MGAT5: variants seen among roughly 807,000 people sequenced by gnomAD.
MGAT5 encodes alpha-1,6-mannosylglycoprotein 6-beta-N-acetylglucosaminyltransferase.
MGAT5 carries 30 observed loss-of-function variants against 94.3 expected under a neutral mutation model. The observed-to-expected ratio is 0.32, with a 90% CI of 0.24 to 0.43. The LOEUF is 0.43. Among genes scored for constraint, MGAT5 ranks in the 20% least tolerant of loss-of-function variants. The probability of loss-of-function intolerance (pLI) is 1.00; values close to 1 mark genes in which losing one functional copy is unlikely to be tolerated. For missense variants in MGAT5, 691 were observed against 905.5 expected, an observed-to-expected ratio of 0.76 and a Z score of 3.04; for synonymous variants, 310 against 322.9, an observed-to-expected ratio of 0.96 and a Z score of 0.43.
intron 10 of MGAT5, among the ~76,000 whole-genome samples, chr2:134,363,955 T>C (rs533025331): frequency 1.2e-4 from 18 of 152,226 alleles, no homozygotes; most frequent in Non-Finnish European, 2.1e-4. Context: ...GCATTGGTTT[T>C]AGGAGGACTG....
At chr2:134,409,930 G>A in intron 11 of MGAT5, among the ~76,000 whole-genome samples, 1 of 152,176 alleles carries the variant, frequency 6.6e-6, no homozygotes, top group East Asian at 1.9e-4. Context: ...ATCCCTCTGT[G>A]TAGAAATACT....
chr2:134,189,190 CCTCCTTTCCCCT>C (rs1239666895), intron 1 of MGAT5, among the ~76,000 whole-genome samples: 2 of 152,166 alleles, frequency 1.3e-5, no homozygotes, highest in Admixed American at 1.3e-4. Flanking sequence ...TTTCCAGTCC[CCTCCTTTCCCCT>C]CTCTGGATTG....
intron 11 of MGAT5, 71 bp from the exon 12 acceptor site, chr2:134,412,798 C>T: frequency 6.3e-7 from 1 of 1,575,372 alleles, no homozygotes; most frequent in African/African-American, 1.4e-5. Context: ...CGCCTGCAAG[C>T]TAGGAATGCC....
chr2:134,182,912 G>A (rs1417181756), intron 1 of MGAT5, among the ~76,000 whole-genome samples: 1 of 146,150 alleles, frequency 6.8e-6, no homozygotes, highest in African/African-American at 2.5e-5. Flanking sequence ...TCAGCCTCCC[G>A]AGTAGCTGTG....
chr2:134,392,651 T>A (rs1486998432), intron 10 of MGAT5, among the ~76,000 whole-genome samples: 1 of 152,362 alleles, frequency 6.6e-6, no homozygotes, highest in South Asian at 2.1e-4. Context: ...CACTCGGTAT[T>A]CTGAGGGGAG....
chr2:134,449,113 G>A lies in MGAT5; in HGVS notation c.*266G>A, dbSNP rs1243289366. The A allele has an allele frequency of 2.0e-6, 1 of 505,586 alleles. No individual in the cohort carries two copies. The highest frequency in any genetic ancestry group is 3.6e-6 in the Non-Finnish European group (1 of 279,598). The allele number at this position is 505,586 out of a possible 1,614,324, so 31.3% of individuals were successfully genotyped here. The stretch of plus-strand genomic sequence containing the variant: ...TCTGTTTCTCAAGGAGCAACTGTGG[G>A]AAGACTGTCACTGCAGCTGCTCCAG... On this transcript the variant is annotated 3_prime_UTR_variant, in exon 16 of 16. Transcript: ENST00000281923.
rs142458086 is a variant in MGAT5 at position 134,336,867 on chromosome 2, G to A, written c.645+579G>A. On this transcript the variant is annotated intron_variant, in intron 5 of 15. Transcript: ENST00000281923. Reference sequence around the variant, plus strand: ...AAGGTGAAATTGGGAAGGTAGGAAGGGGACTGTGAAAGTACTTGTTGCCAC... The same window carrying A: ...AAGGTGAAATTGGGAAGGTAGGAAGAGGACTGTGAAAGTACTTGTTGCCAC... Among the ~76,000 whole-genome samples the A allele has an allele frequency of 9.8e-4, 149 of 152,228 alleles. 1 individual carries two copies. The Middle Eastern group carries it at 0.017, about 17-fold the overall frequency.
In MGAT5 at chr2:134,187,004, T is replaced by A. The variant is rs528659394; in HGVS notation, c.-143+66713T>A. On this transcript the variant is annotated intron_variant, in intron 1 of 16. Transcript: ENST00000409645. ...GTTTGAGCAGAGTGCCAAGGCAGTA[T>A]CCAAGGTGAAGAAAGTTCCGTGAGG... Among the ~76,000 whole-genome samples the A allele has an allele frequency of 5.9e-5, 9 of 152,162 alleles. No individual in the cohort carries two copies. In the East Asian group the frequency reaches 1.7e-3, roughly 29 times the overall value.
chr2:134,259,710 G>A (rs762725355), intron 1 of MGAT5, among the ~76,000 whole-genome samples: 6 of 152,126 alleles, frequency 3.9e-5, no homozygotes, highest in Admixed American at 2.0e-4. Flanking sequence ...TTTTAGTCCT[G>A]GACTGGCCCT....
At chr2:134,381,468 G>C (rs1681605932) in intron 10 of MGAT5, among the ~76,000 whole-genome samples, 1 of 150,960 alleles carries the variant, frequency 6.6e-6, no homozygotes, top group African/African-American at 2.4e-5. Context: ...CTGGTAGGTA[G>C]GTAGGTAGGT....
At chr2:134,189,607 T>TTTTTTTTTTTTTGTTTG (rs1553490425) in intron 1 of MGAT5, among the ~76,000 whole-genome samples, 102 of 80,664 alleles carry the variant, frequency 1.3e-3, no homozygotes, top group Middle Eastern at 0.018. Flanking sequence ...TTTTTGTTTT[T>TTTTTTTTTTTTTGTTTG]TTTTTTTTTT....
At position 134,403,101 on chromosome 2, in the gene MGAT5, T is replaced by C. The variant is rs1226888376; in HGVS notation, c.1494T>C (p.Ser498=). Residue 498 remains serine (S), a synonymous_variant, in exon 11 of 16, where the codon AGT becomes AGC. Coordinates refer to ENST00000281923, the MANE Select transcript of MGAT5 (RefSeq NM_002410.5). ...ACGTGAAAAACCATGGTATCCTCAG[T>C]GGACGGGACCTGCAGTTCCTTCTTC... ...PSYVKNHGIL[S]GRDLQFLLRE... is the part of the protein sequence containing the mutation. The C allele has an allele frequency of 1.9e-6, 3 of 1,610,324 alleles. No individual in the cohort carries two copies. The African/African-American group carries it at 4.0e-5, about 22-fold the overall frequency.
At chr2:134,308,540 G>C (rs1686467236) in intron 2 of MGAT5, among the ~76,000 whole-genome samples, 1 of 152,128 alleles carries the variant, frequency 6.6e-6, no homozygotes, top group Non-Finnish European at 1.5e-5. Flanking sequence ...TGGGTTCTAA[G>C]CATATTTAAG....
chr2:134,158,002 G>T (rs964038713), intron 1 of MGAT5, among the ~76,000 whole-genome samples: 2 of 152,250 alleles, frequency 1.3e-5, no homozygotes, highest in Non-Finnish European at 2.9e-5. Flanking sequence ...CGGACAGGTT[G>T]TTCTGATATC....
chr2:134,401,979 A>G lies in MGAT5; in HGVS notation c.1381-1009A>G, dbSNP rs149921978. ...GGCTTCCCTGCACTCTGTGGCTGCTAATACCACACCCCTGTGTCCCTTGTG... is the reference window on the plus strand; with the variant it reads ...GGCTTCCCTGCACTCTGTGGCTGCTGATACCACACCCCTGTGTCCCTTGTG... On this transcript the variant is annotated intron_variant, in intron 10 of 15. Transcript: ENST00000281923. Among the ~76,000 whole-genome samples the G allele has an allele frequency of 3.3e-3, 506 of 152,314 alleles. 1 individual carries two copies. Among genetic ancestry groups the G allele is most frequent in the Admixed American group, 6.1e-3 (94 of 15,306 alleles).
At chr2:134,142,163 G>C (rs964440591) in intron 1 of MGAT5, among the ~76,000 whole-genome samples, 1 of 152,208 alleles carries the variant, frequency 6.6e-6, no homozygotes, top group Non-Finnish European at 1.5e-5. Context: ...CATTGCCCAG[G>C]TGTTCCCATG....
intron 2 of MGAT5, among the ~76,000 whole-genome samples, chr2:134,285,847 C>T (rs1247661819): frequency 1.3e-5 from 2 of 152,258 alleles, no homozygotes; most frequent in East Asian, 3.9e-4. Context: ...TACATGGCTC[C>T]TCTCTGTTTT....
At position 134,153,751 on chromosome 2, in the gene MGAT5, C is replaced by T. The variant is rs190552578; in HGVS notation, c.-143+33460C>T. On this transcript the variant is annotated intron_variant, in intron 1 of 16. Transcript: ENST00000409645. ...CTCACTCAGAGTCTTACAGGCCACT[C>T]GAGGACGATTTCCTTATAGCAGACG... Among the ~76,000 whole-genome samples, 362 of 152,206 alleles carry T rather than the reference C, an allele frequency of 2.4e-3. 1 individual carries two copies. Among genetic ancestry groups the T allele is most frequent in the Admixed American group, 3.7e-3 (56 of 15,292 alleles).
At chr2:134,389,739 A>G (rs1034840771) in intron 10 of MGAT5, among the ~76,000 whole-genome samples, 2 of 152,192 alleles carry the variant, frequency 1.3e-5, no homozygotes, top group African/African-American at 4.8e-5. Flanking sequence ...ATTCTTGCCT[A>G]AGTAAGTGTT....
Sources: gnomAD v4.1 joint callset for allele counts (sites outside exome capture counted in the v4.1 genomes callset) on GRCh38, gnomAD v4.1.1 for gene constraint, MANE v1.5 for transcripts, NCBI Gene and HGNC (gene_info 2026-07-23, HGNC 2026-07-21) for gene names.